The following ALG6 variants were observed in gnomAD, a reference collection of about 807,000 sequenced individuals.
ALG6 encodes ALG6 alpha-1,3-glucosyltransferase.
ALG6 carries 46 observed loss-of-function variants against 66.6 expected under a neutral mutation model. The observed-to-expected ratio is 0.69, with a 90% CI of 0.55 to 0.88. The LOEUF (loss-of-function observed/expected upper bound fraction) is 0.88, where lower values mean the gene tolerates loss of function less well. ALG6 is among the 40% of genes least tolerant of loss of function. The pLI, the probability that ALG6 is intolerant of heterozygous loss-of-function variation, is 0.00. For synonymous variants in ALG6, 185 were observed against 203.7 expected (o/e 0.91, Z 0.78); for missense variants, 505 against 586.8 (o/e 0.86, Z 1.44).
chr1:63,415,837 A>G lies in ALG6; in HGVS notation c.903-36A>G, dbSNP rs185497913. The G allele has an allele frequency of 6.7e-4, 958 of 1,423,490 alleles. 5 individuals are homozygous for G. In the African/African-American group the frequency reaches 0.013, roughly 19 times the overall value. The allele number at this position is 1,423,490 out of a possible 1,614,324, so 88.2% of individuals were successfully genotyped here. ...TTTAAGCTAGATTTATACCTCTACA[A>G]AGAAGACAAATATTTGATTTGTATT... On this transcript the variant is annotated intron_variant, in intron 10 of 14. Transcript: ENST00000263440.
chr1:63,387,396 C>T (rs1468750054), intron 2 of ALG6, among the ~76,000 whole-genome samples: 2 of 152,098 alleles, frequency 1.3e-5, no homozygotes, highest in East Asian at 1.9e-4. Flanking sequence ...CTATTGGAGA[C>T]ACTCTCTTTA....
At chr1:63,400,205 AAATATATATATATATACGT>A (rs1557587202) in intron 3 of ALG6, among the ~76,000 whole-genome samples, 666 of 41,660 alleles carry the variant, frequency 0.016, 184 homozygotes, top group South Asian at 0.096. Flanking sequence ...AAAAAAAAAA[AAATATATATATATATACGT>A]ATATATATAT....
At chr1:63,388,785 G>C (rs1313436748) in intron 2 of ALG6, among the ~76,000 whole-genome samples, 1 of 152,096 alleles carries the variant, frequency 6.6e-6, no homozygotes, top group African/African-American at 2.4e-5. Context: ...CAGCGTTTTT[G>C]TCTGGGAAAA....
intron 7 of ALG6, among the ~76,000 whole-genome samples, chr1:63,409,993 C>A (rs1644508497): frequency 6.6e-6 from 1 of 152,126 alleles, no homozygotes; most frequent in African/African-American, 2.4e-5. Flanking sequence ...TTGACTTCTA[C>A]CTCTAGGGAT....
chr1:63,369,063 C>CATATG (rs112499055), intron 1 of ALG6, among the ~76,000 whole-genome samples: 2,055 of 152,180 alleles, frequency 0.014, 43 homozygotes, highest in African/African-American at 0.048. Flanking sequence ...TTCATGGAAC[C>CATATG]ATATGATATG....
At position 63,422,274 on chromosome 1, in the gene ALG6, T is replaced by TATATTTATATAGATATAAATATAG. The variant is rs1553156457; in HGVS notation, c.1058+2838_1058+2839insTTATATAGATATAAATATAGATAT. On this transcript the variant is annotated intron_variant, in intron 12 of 14. Transcript: ENST00000263440. ...ATATATTTATATAGATATAAATATA[T>TATATTTATATAGATATAAATATAG]ATATAAATATATATATTTATATAGA... 2.8e-4 allele frequency among the ~76,000 whole-genome samples: 11 copies of TATATTTATATAGATATAAATATAG among 39,476 alleles called. 2 individuals carry two copies. In the South Asian group the frequency reaches 4.1e-3, roughly 15 times the overall value. 25.9% of individuals were successfully genotyped at this position (39,476 alleles called of 152,430 possible).
intron 1 of ALG6, among the ~76,000 whole-genome samples, chr1:63,369,923 A>G (rs539648621): frequency 2.6e-5 from 4 of 152,030 alleles, no homozygotes; most frequent in Admixed American, 2.6e-4. Context: ...GGTTGAAGCG[A>G]TTCTCCTGCC....
intron 2 of ALG6, among the ~76,000 whole-genome samples, chr1:63,372,472 A>G (rs1435086950): frequency 6.7e-6 from 1 of 149,064 alleles, no homozygotes; most frequent in East Asian, 2.0e-4. Flanking sequence ...GTAAATGTGT[A>G]TATACACAGA....
intron 7 of ALG6, among the ~76,000 whole-genome samples, chr1:63,408,655 A>C (rs1644501831): frequency 1.3e-5 from 2 of 152,224 alleles, no homozygotes; most frequent in Admixed American, 6.5e-5. Flanking sequence ...GATGCTCTAC[A>C]TCTTGACCAA....
chr1:63,435,090 G>A (rs1315543885), intron 14 of ALG6, among the ~76,000 whole-genome samples: 3 of 152,272 alleles, frequency 2.0e-5, no homozygotes, highest in Admixed American at 1.3e-4. Context: ...CAGTTTCATC[G>A]TGATTAGGGT....
intron 3 of ALG6, among the ~76,000 whole-genome samples, chr1:63,397,191 T>C (rs1648850240): frequency 6.6e-6 from 1 of 151,858 alleles, no homozygotes; most frequent in Non-Finnish European, 1.5e-5. Context: ...GTTCACTTTT[T>C]CTTTTTTTTT....
chr1:63,401,652 A>G (rs1644465986), intron 3 of ALG6, among the ~76,000 whole-genome samples: 1 of 151,618 alleles, frequency 6.6e-6, no homozygotes, highest in Admixed American at 6.6e-5. Context: ...ACTCCAGTCT[A>G]GGTGACGGAG....
chr1:63,426,993 G>C (rs1014928675), intron 12 of ALG6, among the ~76,000 whole-genome samples: 1 of 152,012 alleles, frequency 6.6e-6, no homozygotes, highest in African/African-American at 2.4e-5. Context: ...CAGTGAAATG[G>C]AAAGTCCTCT....
chr1:63,403,920 T>A (rs932172835), intron 4 of ALG6, among the ~76,000 whole-genome samples: 4 of 152,206 alleles, frequency 2.6e-5, no homozygotes, highest in Non-Finnish European at 2.9e-5. Flanking sequence ...ATTTAATATT[T>A]GCAAAAATAA....
In ALG6 at chr1:63,394,868, T is replaced by C. The variant is rs113662381; in HGVS notation, c.83-1645T>C. 2.8e-3 allele frequency among the ~76,000 whole-genome samples: 419 copies of C among 151,816 alleles called. 4 individuals are homozygous for C. The highest frequency in any genetic ancestry group is 9.3e-3 in the African/African-American group (385 of 41,442). On this transcript the variant is annotated intron_variant, in intron 2 of 14. Transcript: ENST00000263440. Reference sequence around the variant, plus strand: ...GGTATAATGATAATACCTATTTCTTTTCTTTTTTTTTTTTTTGGATGGAGT... The same window carrying C: ...GGTATAATGATAATACCTATTTCTTCTCTTTTTTTTTTTTTTGGATGGAGT...
At chr1:63,396,015 A>G (rs1648814431) in intron 2 of ALG6, among the ~76,000 whole-genome samples, 1 of 152,292 alleles carries the variant, frequency 6.6e-6, no homozygotes, top group South Asian at 2.1e-4. Flanking sequence ...TAATCTAAAG[A>G]TGATTTAAAG....
chr1:63,369,748 G>A (rs1339198687), intron 1 of ALG6, among the ~76,000 whole-genome samples: 1 of 152,118 alleles, frequency 6.6e-6, no homozygotes, highest in Non-Finnish European at 1.5e-5. Flanking sequence ...TATTTAAAGT[G>A]TATCCTGTGG....
At chr1:63,413,562 A>G (rs543902489) in intron 9 of ALG6, 4 of 155,676 alleles carry the variant, frequency 2.6e-5, no homozygotes, top group African/African-American at 9.6e-5. Context: ...GTAGTTACAA[A>G]CTTAATTTTG....
Position 63,413,470 on chromosome 1 carries a change from ATAGT to A in ALG6, c.817-588_817-585del, listed in dbSNP as rs1178440181. 4.6e-5 allele frequency among the ~76,000 whole-genome samples: 7 copies of A among 152,274 alleles called. No individual in the cohort carries two copies. In the East Asian group the frequency reaches 1.2e-3, roughly 25 times the overall value. On this transcript the variant is annotated intron_variant, in intron 9 of 14. Coordinates refer to ENST00000263440, the MANE Select transcript of ALG6 (RefSeq NM_013339.4). ...AAGTGGGATGATATAGTTGTCAGTG[ATAGT>A]TACTTTTTTGATGTTAAGTCTGCAC...
Sources: gnomAD v4.1 joint callset for allele counts (sites outside exome capture counted in the v4.1 genomes callset) on GRCh38, gnomAD v4.1.1 for gene constraint, MANE v1.5 for transcripts, NCBI Gene and HGNC (gene_info 2026-07-23, HGNC 2026-07-21) for gene names.